The following PPM1E variants were observed in gnomAD, a reference collection of about 807,000 sequenced individuals.
The protein encoded by PPM1E is protein phosphatase 1E.
A neutral mutation model predicts 65.9 loss-of-function variants in PPM1E; 20 were observed. The observed-to-expected ratio is 0.30, with a 90% CI of 0.21 to 0.44. The LOEUF is 0.44. Ranked by LOEUF, PPM1E falls within the 20% of genes least tolerant of loss-of-function variation. The pLI is 1.00. For missense variants in PPM1E, 713 were observed against 953.1 expected, an observed-to-expected ratio of 0.75 and a Z score of 3.32; for synonymous variants, 352 against 374.9, an observed-to-expected ratio of 0.94 and a Z score of 0.70.
intron 1 of PPM1E, among the ~76,000 whole-genome samples, chr17:58,761,162 A>G (rs1001997235): frequency 1.3e-5 from 2 of 152,128 alleles, no homozygotes; most frequent in African/African-American, 4.8e-5. Flanking sequence ...ACCTCAGCAG[A>G]GTTTTCATTG....
chr17:58,950,501 A>C (rs983764752), intron 1 of PPM1E, among the ~76,000 whole-genome samples: 1 of 152,166 alleles, frequency 6.6e-6, no homozygotes, highest in African/African-American at 2.4e-5. Flanking sequence ...TTATTATGTC[A>C]TTAAGTATAT....
At chr17:58,915,373 G>T (rs1217534105) in intron 1 of PPM1E, among the ~76,000 whole-genome samples, 1 of 152,150 alleles carries the variant, frequency 6.6e-6, no homozygotes, top group Non-Finnish European at 1.5e-5. Flanking sequence ...ACCAGAGGTC[G>T]CTCTGGTTGC....
At chr17:58,956,726 A>G (rs532618499) in intron 2 of PPM1E, among the ~76,000 whole-genome samples, 2 of 152,290 alleles carry the variant, frequency 1.3e-5, no homozygotes, top group African/African-American at 4.8e-5. Flanking sequence ...AAATATTTTT[A>G]TAAAAATTAG....
intron 1 of PPM1E, among the ~76,000 whole-genome samples, chr17:58,854,600 T>G (rs531643896): frequency 1.3e-5 from 2 of 152,272 alleles, no homozygotes; most frequent in South Asian, 4.1e-4. Context: ...TCTTAGTTTT[T>G]TTAGTGTTTT....
chr17:58,851,209 G>T (rs1330743970), intron 1 of PPM1E, among the ~76,000 whole-genome samples: 2 of 152,138 alleles, frequency 1.3e-5, no homozygotes, highest in Non-Finnish European at 2.9e-5. Context: ...GCTTCCTGGA[G>T]ATGGGTTCGA....
chr17:58,816,267 G>A (rs1032679081), intron 1 of PPM1E, among the ~76,000 whole-genome samples: 8 of 151,958 alleles, frequency 5.3e-5, no homozygotes, highest in African/African-American at 1.9e-4. Flanking sequence ...CTTGTGATCC[G>A]CCTGCCTTGG....
chr17:58,841,740 C>G (rs1029470717), intron 1 of PPM1E, among the ~76,000 whole-genome samples: 12 of 151,650 alleles, frequency 7.9e-5, no homozygotes, highest in African/African-American at 2.9e-4. Flanking sequence ...CAGAGTCTTA[C>G]TCTGTTGCCC....
chr17:58,917,978 G>A (rs2051704623), intron 1 of PPM1E, among the ~76,000 whole-genome samples: 1 of 152,120 alleles, frequency 6.6e-6, no homozygotes, highest in Non-Finnish European at 1.5e-5. Context: ...TAGAATTCCT[G>A]AAAATAGTTT....
chr17:58,765,962 C>A (rs577562835), intron 1 of PPM1E, among the ~76,000 whole-genome samples: 1 of 149,348 alleles, frequency 6.7e-6, no homozygotes, highest in Non-Finnish European at 1.5e-5. Context: ...CGCACTGCAA[C>A]CTCCGCCTCC....
intron 1 of PPM1E, among the ~76,000 whole-genome samples, chr17:58,919,962 G>A (rs1427092678): frequency 7.2e-5 from 11 of 152,160 alleles, no homozygotes; most frequent in Non-Finnish European, 1.3e-4. Flanking sequence ...CAGGGTAGAA[G>A]CAGGGAGATC....
At chr17:58,906,282 C>G (rs1015083201) in intron 1 of PPM1E, among the ~76,000 whole-genome samples, 7 of 152,134 alleles carry the variant, frequency 4.6e-5, no homozygotes, top group Admixed American at 4.6e-4. Flanking sequence ...TTTATTGACT[C>G]TTTCAAAGAA....
At chr17:58,787,683 C>T (rs139936052) in intron 1 of PPM1E, among the ~76,000 whole-genome samples, 6 of 151,824 alleles carry the variant, frequency 4.0e-5, no homozygotes, top group Middle Eastern at 3.4e-3. Context: ...CCGAGGCGGG[C>T]GGATCACCAG....
intron 1 of PPM1E, among the ~76,000 whole-genome samples, chr17:58,809,413 G>A (rs892268666): frequency 5.3e-5 from 8 of 151,910 alleles, no homozygotes; most frequent in African/African-American, 1.9e-4. Flanking sequence ...TTTTTTTTGA[G>A]ATAGGGTCTT....
At chr17:58,822,224 G>A (rs975784382) in intron 1 of PPM1E, among the ~76,000 whole-genome samples, 1 of 152,170 alleles carries the variant, frequency 6.6e-6, no homozygotes, top group African/African-American at 2.4e-5. Flanking sequence ...CTGAAGCATA[G>A]CATTGAATGA....
chr17:58,802,763 G>T (rs890184489), intron 1 of PPM1E, among the ~76,000 whole-genome samples: 2 of 151,802 alleles, frequency 1.3e-5, no homozygotes, highest in African/African-American at 4.8e-5. Context: ...GGTTAAATTT[G>T]TTCCTAAAAC....
rs771633630 is a variant in PPM1E at position 58,980,905 on chromosome 17, T to C, written c.2142T>C (p.Asn714=). ...LSSLTGSGKR[N]RIRSSLPWRQ... is the part of the protein sequence containing the mutation. ...CACTTACTGGAAGTGGGAAGAGAAA[T>C]AGGATAAGAAGTTCTCTGCCATGGA... The change falls in exon 7 of 7, where the codon AAT becomes AAC. Residue 714 remains asparagine, a synonymous_variant. Coordinates refer to ENST00000308249, the MANE Select transcript of PPM1E (RefSeq NM_014906.5). This position sits in a 1 kb window ranked among gnomAD's most constrained non-coding sequence, Gnocchi z 4.7. The C allele has an allele frequency of 3.7e-6, 6 of 1,614,030 alleles. No homozygotes were observed. Among genetic ancestry groups the C allele is most frequent in the East Asian group, 2.2e-5 (1 of 44,860 alleles).
chr17:58,982,918 TTATC>T lies in PPM1E; in HGVS notation c.*1890_*1893del. On this transcript the variant is annotated 3_prime_UTR_variant, in exon 7 of 7. Transcript: ENST00000308249. Reference sequence around the variant, plus strand: ...GGTGCAGTGTCAGTTTCAAATCAAATTATCTAAGAAAACAAGAAAACAAAGGCAG... The same window carrying T: ...GGTGCAGTGTCAGTTTCAAATCAAATTAAGAAAACAAGAAAACAAAGGCAG... 6.3e-7 allele frequency: 1 copy of T among 1,577,166 alleles called. No homozygotes were observed. Among genetic ancestry groups the T allele is most frequent in the Non-Finnish European group, 8.6e-7 (1 of 1,160,076 alleles).
At chr17:58,795,892 G>T (rs561637989) in intron 1 of PPM1E, among the ~76,000 whole-genome samples, 5 of 152,032 alleles carry the variant, frequency 3.3e-5, no homozygotes, top group African/African-American at 4.8e-5. Context: ...TTTTTTGCTT[G>T]TGAACTTGTT....
At chr17:58,931,365 G>A (rs8079127) in intron 1 of PPM1E, among the ~76,000 whole-genome samples, 10,990 of 142,530 alleles carry the variant, frequency 0.077, 915 homozygotes, top group African/African-American at 0.21. Context: ...CAACCTGAGC[G>A]ACAAGAGTGA....
Sources: allele counts gnomAD v4.1 joint callset (sites outside exome capture counted in the v4.1 genomes callset), GRCh38; gene constraint gnomAD v4.1.1; non-coding constraint Gnocchi (gnomAD v3.1); transcripts MANE v1.5; gene names NCBI Gene and HGNC (gene_info 2026-07-23, HGNC 2026-07-21).